SYNPR: variants seen among roughly 807,000 people sequenced by gnomAD.
SYNPR encodes synaptoporin.
SYNPR carries 23 observed loss-of-function variants against 32.9 expected under a neutral mutation model. That is an observed-to-expected ratio of 0.70 (90% confidence interval 0.50 to 0.99). The LOEUF is 0.99. Among genes scored for constraint, SYNPR ranks in the 50% least tolerant of loss-of-function variants. The probability of loss-of-function intolerance (pLI) is 0.00; values close to 1 mark genes in which losing one functional copy is unlikely to be tolerated. For missense variants in SYNPR, 318 were observed against 349.3 expected (o/e 0.91, Z 0.71); for synonymous variants, 146 against 135.9 (o/e 1.07, Z -0.52).
At chr3:63,408,873 T>C (rs1479597243) in intron 2 of SYNPR, among the ~76,000 whole-genome samples, 3 of 152,158 alleles carry the variant, frequency 2.0e-5, no homozygotes, top group Non-Finnish European at 4.4e-5. Flanking sequence ...TCCACTCAAG[T>C]TGACACCTAA....
chr3:63,233,195 A>G (rs1468562746), intron 1 of SYNPR, among the ~76,000 whole-genome samples: 1 of 152,200 alleles, frequency 6.6e-6, no homozygotes, highest in Non-Finnish European at 1.5e-5. Context: ...TGGAGCCCAA[A>G]TATCTGTATG....
chr3:63,500,066 A>C (rs1247396348), intron 3 of SYNPR, among the ~76,000 whole-genome samples: 2 of 152,170 alleles, frequency 1.3e-5, no homozygotes, highest in Non-Finnish European at 2.9e-5. Context: ...AAGTGTGACA[A>C]TTTCTAGCAG....
chr3:63,203,068 G>GTATATATATATACA, the SYNPR span: 3 of 108,594 alleles, frequency 2.8e-5, no homozygotes, highest in Admixed American at 1.8e-4. Context: ...ATATGTATGT[G>GTATATATATATACA]TATATATATA....
chr3:63,485,399 T>G (rs1411950304), intron 3 of SYNPR, among the ~76,000 whole-genome samples: 1 of 151,832 alleles, frequency 6.6e-6, no homozygotes, highest in Non-Finnish European at 1.5e-5. Flanking sequence ...AAAGAAAACT[T>G]TATGTATGCT....
intron 3 of SYNPR, among the ~76,000 whole-genome samples, chr3:63,504,578 G>A (rs1476268535): frequency 1.3e-5 from 2 of 151,786 alleles, no homozygotes; most frequent in Non-Finnish European, 2.9e-5. Context: ...CCAAACCTCC[G>A]TATATTGCTA....
At chr3:63,406,585 G>T (rs1008507993) in intron 2 of SYNPR, among the ~76,000 whole-genome samples, 1 of 151,976 alleles carries the variant, frequency 6.6e-6, no homozygotes, top group Non-Finnish European at 1.5e-5. Flanking sequence ...GCACATTACT[G>T]CCTGTCAGAG....
intron 3 of SYNPR, among the ~76,000 whole-genome samples, chr3:63,485,216 A>G (rs1393745081): frequency 6.6e-6 from 1 of 152,082 alleles, no homozygotes; most frequent in African/African-American, 2.4e-5. Flanking sequence ...CTGTTCTTGT[A>G]AAAAAATGAA....
intron 2 of SYNPR, among the ~76,000 whole-genome samples, chr3:63,299,329 C>T (rs978776709): frequency 6.6e-6 from 1 of 152,068 alleles, no homozygotes; most frequent in Admixed American, 6.6e-5. Flanking sequence ...CTTTGCTACT[C>T]TTTTTGTCTC....
chr3:63,334,517 TGTGTGTGTGTGTGTGTGTG>T (rs1416868122), intron 2 of SYNPR, among the ~76,000 whole-genome samples: 4 of 4,480 alleles, frequency 8.9e-4, no homozygotes, highest in Non-Finnish European at 2.3e-3. Context: ...CTCAATGAAG[TGTGTGTGTGTGTGTGTGTG>T]TGTGTGTGTG....
the SYNPR span, among the ~76,000 whole-genome samples, chr3:63,201,842 T>C: frequency 6.6e-6 from 1 of 152,120 alleles, no homozygotes; most frequent in African/African-American, 2.4e-5. Flanking sequence ...AACCAGAACA[T>C]AAAACTTGAA....
intron 2 of SYNPR, among the ~76,000 whole-genome samples, chr3:63,364,469 T>C (rs919898323): frequency 6.6e-6 from 1 of 152,204 alleles, no homozygotes; most frequent in Non-Finnish European, 1.5e-5. Context: ...TGCTATTTCT[T>C]TTTTTAAAAT....
intron 3 of SYNPR, among the ~76,000 whole-genome samples, chr3:63,499,723 G>A (rs895754272): frequency 4.6e-5 from 7 of 151,982 alleles, no homozygotes; most frequent in African/African-American, 9.7e-5. Flanking sequence ...TTCTAGCTCC[G>A]TTCATATGTA....
At chr3:63,230,245 G>A (rs2086156940) in intron 1 of SYNPR, among the ~76,000 whole-genome samples, 1 of 152,164 alleles carries the variant, frequency 6.6e-6, no homozygotes, top group African/African-American at 2.4e-5. Flanking sequence ...TCTCTAATGT[G>A]AATAGGCACA....
At chr3:63,576,511 G>C (rs1440329468) in intron 4 of SYNPR, among the ~76,000 whole-genome samples, 1 of 152,068 alleles carries the variant, frequency 6.6e-6, no homozygotes, top group Admixed American at 6.6e-5. Context: ...GTTATCTGGG[G>C]CTGGGCGCGG....
At chr3:63,587,613 C>G (rs1306456214) in intron 4 of SYNPR, among the ~76,000 whole-genome samples, 1 of 152,052 alleles carries the variant, frequency 6.6e-6, no homozygotes, top group African/African-American at 2.4e-5. Flanking sequence ...AAGGCGTTTG[C>G]AAAGAACATA....
the SYNPR span, among the ~76,000 whole-genome samples, chr3:63,217,749 C>G: frequency 1.3e-5 from 2 of 152,120 alleles, no homozygotes; most frequent in East Asian, 3.9e-4. Context: ...TTTATGAGGA[C>G]AGATTCCTTA....
intron 3 of SYNPR, among the ~76,000 whole-genome samples, chr3:63,540,174 T>TAAA (rs1559530561): frequency 1.3e-5 from 2 of 152,192 alleles, no homozygotes; most frequent in Non-Finnish European, 2.9e-5. Flanking sequence ...CTTATTATTT[T>TAAA]ATTCCTTATG....
chr3:63,288,474 G>C (rs2086706849), intron 2 of SYNPR, among the ~76,000 whole-genome samples: 1 of 152,186 alleles, frequency 6.6e-6, no homozygotes, highest in African/African-American at 2.4e-5. Context: ...TCTGATTAGG[G>C]GATAGCTGAG....
At chr3:63,233,261 T>C (rs1359106250) in intron 1 of SYNPR, among the ~76,000 whole-genome samples, 2 of 152,220 alleles carry the variant, frequency 1.3e-5, no homozygotes, top group African/African-American at 2.4e-5. Flanking sequence ...ACCACTGTTC[T>C]AGCTCCCTGG....
Sources: gnomAD v4.1 joint callset for allele counts (sites outside exome capture counted in the v4.1 genomes callset) on GRCh38, gnomAD v4.1.1 for gene constraint, MANE v1.5 for transcripts, NCBI Gene and HGNC (gene_info 2026-07-23, HGNC 2026-07-21) for gene names.